Variants in DAPK2 observed in about 807,000 individuals in gnomAD.
DAPK2 encodes the protein death-associated protein kinase 2.
A neutral mutation model predicts 44.1 loss-of-function variants in DAPK2; 35 were observed. The observed-to-expected ratio is 0.79, with a 90% CI of 0.61 to 1.05. The LOEUF is 1.05. Among genes scored for constraint, DAPK2 ranks in the 50% least tolerant of loss-of-function variants. The pLI, the probability that DAPK2 is intolerant of heterozygous loss-of-function variation, is 0.00. For synonymous variants in DAPK2, 174 were observed against 182.6 expected, an observed-to-expected ratio of 0.95 and a Z score of 0.38; for missense variants, 453 against 483.2, an observed-to-expected ratio of 0.94 and a Z score of 0.59.
upstream of DAPK2, among the ~76,000 whole-genome samples, chr15:64,042,243 G>T (rs1267151417): frequency 6.6e-6 from 1 of 152,092 alleles, no homozygotes; most frequent in African/African-American, 2.4e-5. The surrounding 1 kb of genome is among the most constrained non-coding windows in gnomAD (Gnocchi z 4.7). Flanking sequence ...AGCAAGTTTA[G>T]CTTGACCATA....
chr15:63,941,304 C>A (rs1021186530), intron 3 of DAPK2, among the ~76,000 whole-genome samples: 1 of 152,232 alleles, frequency 6.6e-6, no homozygotes, highest in African/African-American at 2.4e-5. Context: ...CCGCTCCAGG[C>A]CCCACCAGGC....
chr15:63,970,622 G>C (rs949349559), intron 3 of DAPK2, among the ~76,000 whole-genome samples: 3 of 152,238 alleles, frequency 2.0e-5, no homozygotes, highest in African/African-American at 7.2e-5. Context: ...CAATACCCAA[G>C]CACCCAGCAC....
intron 2 of DAPK2, among the ~76,000 whole-genome samples, chr15:63,981,367 C>T: frequency 6.6e-6 from 1 of 152,050 alleles, no homozygotes; most frequent in Admixed American, 6.6e-5. Context: ...GAAATAAATA[C>T]CTTTTCCTTA....
chr15:63,932,165 T>TAAAAA (rs386383265), intron 4 of DAPK2, among the ~76,000 whole-genome samples: 15 of 137,028 alleles, frequency 1.1e-4, no homozygotes, highest in Non-Finnish European at 1.7e-4. Flanking sequence ...AGACCCTGTT[T>TAAAAA]AAAAAAAAAA....
chr15:64,019,125 T>G (rs569130183), intron 1 of DAPK2, among the ~76,000 whole-genome samples: 1 of 152,274 alleles, frequency 6.6e-6, no homozygotes, highest in Non-Finnish European at 1.5e-5. Flanking sequence ...TGAAGTCTAG[T>G]CAATCCTCCA....
intron 1 of DAPK2, among the ~76,000 whole-genome samples, chr15:64,025,027 A>T (rs1233384115): frequency 2.0e-5 from 3 of 152,120 alleles, no homozygotes; most frequent in African/African-American, 7.2e-5. Flanking sequence ...GACTCTCAGC[A>T]GGCTCCCCAG....
intron 1 of DAPK2, among the ~76,000 whole-genome samples, chr15:64,018,635 AG>A (rs1386574649): frequency 1.3e-5 from 2 of 152,172 alleles, no homozygotes; most frequent in Non-Finnish European, 2.9e-5. Flanking sequence ...AGGTTGCACC[AG>A]GCTGAGGAAG....
In DAPK2 at chr15:63,939,212, C is replaced by T; in HGVS notation, c.583+20G>A. ...TGATGCCAGATTCTTAGCTGAAAGA[C>T]AAACAGGCCTACAACTCACCAACAA... On this transcript the variant is annotated intron_variant, in intron 4 of 10. Transcript: ENST00000261891. This position sits in a 1 kb window ranked among gnomAD's most constrained non-coding sequence, Gnocchi z 4.3. The T allele has an allele frequency of 2.5e-6, 4 of 1,611,546 alleles. No homozygotes were observed. Among genetic ancestry groups the T allele is most frequent in the Non-Finnish European group, 3.4e-6 (4 of 1,178,764 alleles).
intron 2 of DAPK2, among the ~76,000 whole-genome samples, chr15:63,976,701 AAAAC>A (rs766386284): frequency 5.3e-5 from 8 of 152,256 alleles, no homozygotes; most frequent in South Asian, 2.1e-4. Flanking sequence ...ATCGGTCTCA[AAAAC>A]AAACAAACAA....
rs552673652 is a variant in DAPK2, at chr15:64,022,933, G to A, written c.92+17237C>T. Among the ~76,000 whole-genome samples the A allele has an allele frequency of 4.6e-5, 7 of 152,172 alleles. No individual in the cohort carries two copies. In the South Asian group the frequency reaches 6.2e-4, roughly 14 times the overall value. ...TCCAGTCTAAATTCTAAGATAGCAT[G>A]ATGAGAAATGACTCTTTCCAAACTC... On this transcript the variant is annotated intron_variant, in intron 1 of 10. Transcript: ENST00000261891.
At chr15:64,015,300 T>C (rs1297124242) in intron 1 of DAPK2, among the ~76,000 whole-genome samples, 2 of 147,680 alleles carry the variant, frequency 1.4e-5, no homozygotes, top group African/African-American at 5.0e-5. Flanking sequence ...CAAAAGTAGC[T>C]AATCCCAGAG....
chr15:64,040,265 AT>A, exon 1 of DAPK2: 1 of 1,613,676 alleles, frequency 6.2e-7, no homozygotes, highest in Non-Finnish European at 8.5e-7. Flanking sequence ...GGAACATACA[AT>A]CCTGAAATGG....
intron 2 of DAPK2, among the ~76,000 whole-genome samples, chr15:63,979,413 G>A (rs1413092928): frequency 1.3e-5 from 2 of 152,126 alleles, no homozygotes; most frequent in African/African-American, 2.4e-5. Flanking sequence ...GAAAGCAGGC[G>A]GAAGCCCTGC....
chr15:63,961,080 T>G lies in DAPK2; in HGVS notation c.453+10343A>C, dbSNP rs142073630. Among the ~76,000 whole-genome samples, 959 of 152,346 alleles carry G rather than the reference T, an allele frequency of 6.3e-3. 10 individuals carry two copies. Among genetic ancestry groups the G allele is most frequent in the African/African-American group, 0.022 (926 of 41,556 alleles). ...GGATCGTTAGCACTTCTTGTTGAAT[T>G]GATCCCTTTACCATTACGTAATGGC... On this transcript the variant is annotated intron_variant, in intron 3 of 10. Transcript: ENST00000261891.
In DAPK2 at chr15:63,923,112, C is replaced by T. The variant is rs1330293825; in HGVS notation, c.858+1704G>A. The stretch of plus-strand genomic sequence containing the variant: ...GCTTCCTTCTCATTGAAGATGGAGA[C>T]CAGGGCCTCCACATCGTCCTGGATG... On this transcript the variant is annotated intron_variant, in intron 8 of 10. Coordinates refer to ENST00000261891, the Ensembl canonical transcript of DAPK2. This position sits in a 1 kb window ranked among gnomAD's most constrained non-coding sequence, Gnocchi z 4.2. 1 of 1,535,900 alleles carries T rather than the reference C, an allele frequency of 6.5e-7. No individual in the cohort carries two copies. Among genetic ancestry groups the T allele is most frequent in the East Asian group, 2.4e-5 (1 of 40,908 alleles).
intron 1 of DAPK2, among the ~76,000 whole-genome samples, chr15:63,994,749 C>G (rs931584025): frequency 6.6e-6 from 1 of 152,100 alleles, no homozygotes; most frequent in Non-Finnish European, 1.5e-5. Flanking sequence ...GCCACCATGC[C>G]TGGCTAATTT....
At chr15:63,948,261 A>G (rs566400431) in intron 3 of DAPK2, among the ~76,000 whole-genome samples, 1 of 93,498 alleles carries the variant, frequency 1.1e-5, no homozygotes, top group Admixed American at 1.6e-4. Flanking sequence ...ATGGAGTGAG[A>G]CTCCATCTCA....
intron 1 of DAPK2, among the ~76,000 whole-genome samples, chr15:63,984,999 C>G (rs1229948944): frequency 6.6e-6 from 1 of 152,212 alleles, no homozygotes; most frequent in Non-Finnish European, 1.5e-5. Context: ...CATTCTATGG[C>G]AGCCACTTCA....
chr15:64,017,644 A>G (rs891943144), intron 1 of DAPK2, among the ~76,000 whole-genome samples: 1 of 152,198 alleles, frequency 6.6e-6, no homozygotes, highest in African/African-American at 2.4e-5. Flanking sequence ...GCCACTTAAC[A>G]TCTCCAAGCC....
Sources: gnomAD v4.1 joint callset for allele counts (sites outside exome capture counted in the v4.1 genomes callset) on GRCh38, gnomAD v4.1.1 for gene constraint, Gnocchi (gnomAD v3.1) non-coding constraint, MANE v1.5 for transcripts, NCBI Gene and HGNC (gene_info 2026-07-23, HGNC 2026-07-21) for gene names.